Variants in SETBP1 observed in about 807,000 individuals in gnomAD.
SETBP1 encodes the protein SET binding protein 1, also known as SET-binding protein.
Under a neutral mutation model 101.0 loss-of-function variants are expected in SETBP1, and 9 were observed. The ratio of observed to expected loss-of-function variants is 0.09; its 90% CI spans 0.05 to 0.16. The LOEUF (loss-of-function observed/expected upper bound fraction) is 0.16, where lower values mean the gene tolerates loss of function less well. Ranked by LOEUF, SETBP1 falls within the 10% of genes least tolerant of loss-of-function variation. The probability of loss-of-function intolerance (pLI) is 1.00; values close to 1 mark genes in which losing one functional copy is unlikely to be tolerated. For missense variants in SETBP1, 1,858 were observed against 2,033.8 expected, an observed-to-expected ratio of 0.91 and a Z score of 1.66; for synonymous variants, 818 against 788.5, an observed-to-expected ratio of 1.04 and a Z score of -0.63.
chr18:45,062,061 A>C (rs1432557773), intron 5 of SETBP1, among the ~76,000 whole-genome samples: 1 of 152,228 alleles, frequency 6.6e-6, no homozygotes, highest in Non-Finnish European at 1.5e-5. Flanking sequence ...GGTATCACAC[A>C]TGTGCCTGCT....
At chr18:44,851,344 A>C (rs1317062088) in intron 2 of SETBP1, among the ~76,000 whole-genome samples, 1 of 152,210 alleles carries the variant, frequency 6.6e-6, no homozygotes, top group Non-Finnish European at 1.5e-5. Context: ...GTGGGATATC[A>C]AACTTTACTC....
At chr18:45,030,049 T>C (rs1169699473) in intron 4 of SETBP1, among the ~76,000 whole-genome samples, 1 of 145,492 alleles carries the variant, frequency 6.9e-6, no homozygotes, top group East Asian at 2.0e-4. Context: ...AACGCTATGT[T>C]GAATAGGAGT....
intron 2 of SETBP1, among the ~76,000 whole-genome samples, chr18:44,742,947 T>TTCTCTCTCTCTC (rs756180174): frequency 1.4e-5 from 2 of 144,470 alleles, no homozygotes; most frequent in African/African-American, 2.6e-5. Flanking sequence ...CTCTCCCTCC[T>TTCTCTCTCTCTC]TCTCTCTCTC....
chr18:44,729,858 G>A (rs771490246), intron 2 of SETBP1, among the ~76,000 whole-genome samples: 7 of 152,190 alleles, frequency 4.6e-5, no homozygotes, highest in Non-Finnish European at 7.3e-5. Flanking sequence ...AGGAGGTCCC[G>A]GGGAGGCTGT....
intron 2 of SETBP1, among the ~76,000 whole-genome samples, chr18:44,823,798 A>G (rs1455837553): frequency 2.0e-5 from 3 of 152,176 alleles, no homozygotes; most frequent in African/African-American, 7.2e-5. Flanking sequence ...ACAAATAAGA[A>G]ATGATTTTAC....
intron 2 of SETBP1, among the ~76,000 whole-genome samples, chr18:44,746,168 C>T (rs148048514): frequency 6.2e-4 from 94 of 152,056 alleles, no homozygotes; most frequent in African/African-American, 2.1e-3. Context: ...AAATATGGGG[C>T]GTCATAGGAG....
chr18:44,820,405 G>C (rs2072087033), intron 2 of SETBP1, among the ~76,000 whole-genome samples: 1 of 152,156 alleles, frequency 6.6e-6, no homozygotes, highest in Non-Finnish European at 1.5e-5. Context: ...AATGCTGAGA[G>C]ATCTAGCACC....
chr18:44,783,122 C>T (rs1194937486), intron 2 of SETBP1, among the ~76,000 whole-genome samples: 1 of 152,134 alleles, frequency 6.6e-6, no homozygotes, highest in Non-Finnish European at 1.5e-5. Flanking sequence ...TCACTTTTCC[C>T]AAAGTTACTA....
chr18:44,995,232 C>T (rs1458239883), intron 4 of SETBP1, among the ~76,000 whole-genome samples: 1 of 148,368 alleles, frequency 6.7e-6, no homozygotes, highest in Non-Finnish European at 1.5e-5. Flanking sequence ...AGCTCCGCCT[C>T]CTGGGTTCAC....
chr18:44,779,090 G>A (rs979200730), intron 2 of SETBP1, among the ~76,000 whole-genome samples: 12 of 152,226 alleles, frequency 7.9e-5, no homozygotes, highest in Admixed American at 3.9e-4. Context: ...GTTAAATGCA[G>A]TTTAATCTTC....
At chr18:44,896,836 A>G (rs2069915059) in intron 3 of SETBP1, among the ~76,000 whole-genome samples, 1 of 151,884 alleles carries the variant, frequency 6.6e-6, no homozygotes, top group Non-Finnish European at 1.5e-5. Context: ...GATAACCACC[A>G]TTATTTGTGT....
intron 2 of SETBP1, among the ~76,000 whole-genome samples, chr18:44,818,488 G>A (rs2072031959): frequency 6.6e-6 from 1 of 152,114 alleles, no homozygotes; most frequent in African/African-American, 2.4e-5. Flanking sequence ...AGTGACCATG[G>A]TCAGTGGGAT....
intron 1 of SETBP1, among the ~76,000 whole-genome samples, chr18:44,683,775 G>T (rs1327811154): frequency 6.6e-6 from 1 of 152,192 alleles, no homozygotes; most frequent in African/African-American, 2.4e-5. Context: ...AAACCAGAAA[G>T]CTATTGAAGG....
rs562162089 is a variant in SETBP1, at chr18:44,928,543, C to T, written c.541-21338C>T. Among the ~76,000 whole-genome samples the T allele has an allele frequency of 2.6e-5, 4 of 152,360 alleles. No homozygotes were observed. The East Asian group carries it at 7.7e-4, about 29-fold the overall frequency. On this transcript the variant is annotated intron_variant, in intron 3 of 5. Transcript: ENST00000649279. ...ATGGTTAAAATAGTTTACAGTCCCACCAACAGTGTAAAAGCATTCCTATTT... is the reference window on the plus strand; with the variant it reads ...ATGGTTAAAATAGTTTACAGTCCCATCAACAGTGTAAAAGCATTCCTATTT...
intron 2 of SETBP1, among the ~76,000 whole-genome samples, chr18:44,725,040 T>C (rs1418607646): frequency 6.6e-6 from 1 of 152,172 alleles, no homozygotes; most frequent in African/African-American, 2.4e-5. Flanking sequence ...CACTCACTCA[T>C]TTAGCACATG....
At position 44,875,527 on chromosome 18, in the gene SETBP1, CAAAAAAAAAAA is replaced by C. The variant is rs10645515; in HGVS notation, c.540+6258_540+6268del. ...CTGGCAAGAGAGCAAGACTCCATCT[CAAAAAAAAAAA>C]AAAAAAAAAAAAAGAAGGAGTGAAA... On this transcript the variant is annotated intron_variant, in intron 3 of 5. Transcript: ENST00000649279. 1.8e-4 allele frequency among the ~76,000 whole-genome samples: 11 copies of C among 61,618 alleles called. No individual in the cohort carries two copies. In the South Asian group the frequency reaches 9.4e-3, roughly 53 times the overall value. The allele number at this position is 61,618 out of a possible 152,430, so 40.4% of individuals were successfully genotyped here.
chr18:44,689,273 C>T (rs1449282650), intron 1 of SETBP1, among the ~76,000 whole-genome samples: 4 of 152,176 alleles, frequency 2.6e-5, no homozygotes, highest in South Asian at 2.1e-4. Flanking sequence ...CGAACATGTA[C>T]TGCATCTGGC....
chr18:44,691,170 C>G (rs759011354), intron 1 of SETBP1, among the ~76,000 whole-genome samples: 8 of 152,054 alleles, frequency 5.3e-5, no homozygotes, highest in African/African-American at 1.9e-4. Context: ...TCATATATAC[C>G]TCGATTTGAT....
chr18:44,914,890 T>C (rs902625984), intron 3 of SETBP1, among the ~76,000 whole-genome samples: 1 of 152,084 alleles, frequency 6.6e-6, no homozygotes, highest in Admixed American at 6.6e-5. Flanking sequence ...GGACAGGTGC[T>C]TTTCAGCTGG....
Sources: gnomAD v4.1 joint callset for allele counts (sites outside exome capture counted in the v4.1 genomes callset) on GRCh38, gnomAD v4.1.1 for gene constraint, MANE v1.5 for transcripts, NCBI Gene and HGNC (gene_info 2026-07-23, HGNC 2026-07-21) for gene names.